SMOC2: variants seen among roughly 807,000 people sequenced by gnomAD.
SMOC2 encodes SPARC related modular calcium binding 2.
Under a neutral mutation model 61.4 loss-of-function variants are expected in SMOC2, and 39 were observed. The observed-to-expected ratio is 0.64, with a 90% confidence interval of 0.49 to 0.83. SMOC2 has a LOEUF of 0.83. Among genes scored for constraint, SMOC2 ranks in the 40% least tolerant of loss-of-function variants. The probability of loss-of-function intolerance (pLI) is 0.00; values close to 1 mark genes in which losing one functional copy is unlikely to be tolerated. For synonymous variants in SMOC2, 247 were observed against 239.9 expected (o/e 1.03, Z -0.27); for missense variants, 556 against 592.9 (o/e 0.94, Z 0.65).
At chr6:168,522,859 T>G (rs1783361289) in intron 2 of SMOC2, among the ~76,000 whole-genome samples, 1 of 151,996 alleles carries the variant, frequency 6.6e-6, no homozygotes, top group South Asian at 2.1e-4. Context: ...AATAGGCAAA[T>G]TTGTAGAGAC....
At position 168,454,121 on chromosome 6, in the gene SMOC2, C is replaced by T. The variant is rs9456115; in HGVS notation, c.84+12667C>T. ...CTTTATTCATCTCTCTGTCTCTGTT[C>T]TCCCAGGCTCCACCCAGTCCATGAT... On this transcript the variant is annotated intron_variant, in intron 1 of 12. Transcript: ENST00000356284. 4.1e-3 allele frequency among the ~76,000 whole-genome samples: 628 copies of T among 152,174 alleles called. 7 individuals are homozygous for T. The highest frequency in any genetic ancestry group is 0.014 in the African/African-American group (589 of 41,524).
chr6:168,663,833 A>T (rs1787584034), intron 11 of SMOC2, among the ~76,000 whole-genome samples: 1 of 152,236 alleles, frequency 6.6e-6, no homozygotes, highest in South Asian at 2.1e-4. Flanking sequence ...ATTATATTAA[A>T]ATATTACACG....
intron 2 of SMOC2, among the ~76,000 whole-genome samples, chr6:168,518,118 C>T (rs1401806977): frequency 6.6e-6 from 1 of 152,256 alleles, no homozygotes; most frequent in African/African-American, 2.4e-5. Context: ...ATTCCACAGC[C>T]TCGCCTTGGA....
chr6:168,529,681 T>A (rs2115079334), intron 4 of SMOC2, among the ~76,000 whole-genome samples: 1 of 152,284 alleles, frequency 6.6e-6, no homozygotes, highest in African/African-American at 2.4e-5. Context: ...AAGGGAGAAT[T>A]ATGGAGGCGA....
At chr6:168,459,824 G>T (rs1399928221) in intron 1 of SMOC2, among the ~76,000 whole-genome samples, 3 of 149,994 alleles carry the variant, frequency 2.0e-5, no homozygotes, top group African/African-American at 4.9e-5. Context: ...TGAGCCCTGG[G>T]GTGGGTGAGC....
chr6:168,519,503 A>G (rs970597937), intron 2 of SMOC2, among the ~76,000 whole-genome samples: 1 of 152,118 alleles, frequency 6.6e-6, no homozygotes, highest in East Asian at 1.9e-4. Flanking sequence ...GCCCTTCCTC[A>G]CAGGCTGGGG....
Position 168,653,001 on chromosome 6 carries a change from A to G in SMOC2, c.1058A>G (p.His353Arg), listed in dbSNP as rs777787288. 3.7e-6 allele frequency: 6 copies of G among 1,614,046 alleles called. No homozygotes were observed. The highest frequency in any genetic ancestry group is 5.1e-6 in the Non-Finnish European group (6 of 1,179,990). The part of the protein sequence containing the change: ...PSHTLEERVV[H>R]WYFKLLDKNS... ...CATACCCTAGAGGAGCGGGTGGTGCACTGGTACTTCAAACTACTGGATAAA... is the reference window on the plus strand; with the variant it reads ...CATACCCTAGAGGAGCGGGTGGTGCGCTGGTACTTCAAACTACTGGATAAA... Residue 353 changes from histidine to arginine, a missense_variant, in exon 11 of 13, where the codon CAC (histidine) becomes CGC (arginine). By Grantham distance (29) the His-to-Arg change is conservative (BLOSUM62 0). Coordinates refer to ENST00000356284, the MANE Select transcript of SMOC2 (RefSeq NM_001166412.2).
chr6:168,556,223 C>T (rs1583105885), intron 7 of SMOC2, among the ~76,000 whole-genome samples: 1 of 152,196 alleles, frequency 6.6e-6, no homozygotes, highest in African/African-American at 2.4e-5. Flanking sequence ...TGGCCTCTCC[C>T]GGCTGGGGTG....
chr6:168,521,284 G>A (rs1186198433), intron 2 of SMOC2, among the ~76,000 whole-genome samples: 1 of 152,144 alleles, frequency 6.6e-6, no homozygotes, highest in Non-Finnish European at 1.5e-5. Context: ...GAGTAGCTGG[G>A]ATTACAGGTG....
In SMOC2 at chr6:168,486,648, G is replaced by A. The variant is rs142264853; in HGVS notation, c.85-23267G>A. ...CACTGGCTGTGAGCGCATCCAAACC[G>A]ACTGCGATTCACCAATGGATCAGTA... On this transcript the variant is annotated intron_variant, in intron 1 of 12. Coordinates refer to ENST00000356284, the MANE Select transcript of SMOC2 (RefSeq NM_001166412.2). Among the ~76,000 whole-genome samples, 560 of 151,510 alleles carry A rather than the reference G, an allele frequency of 3.7e-3. 2 individuals carry two copies. The highest frequency in any genetic ancestry group is 0.013 in the African/African-American group (533 of 41,308).
At chr6:168,606,890 G>C (rs941131879) in intron 8 of SMOC2, among the ~76,000 whole-genome samples, 1 of 152,160 alleles carries the variant, frequency 6.6e-6, no homozygotes, top group African/African-American at 2.4e-5. Context: ...CAGGGCCTGA[G>C]GAGGCCGCCA....
intron 2 of SMOC2, among the ~76,000 whole-genome samples, chr6:168,516,441 A>G (rs1022567195): frequency 7.2e-5 from 11 of 151,952 alleles, no homozygotes; most frequent in African/African-American, 2.4e-4. Context: ...GGAAACAGAT[A>G]TTGGACAAAA....
intron 7 of SMOC2, among the ~76,000 whole-genome samples, chr6:168,557,465 C>T (rs542970215): frequency 4.5e-4 from 69 of 152,288 alleles, no homozygotes; most frequent in African/African-American, 1.6e-3. Context: ...AGCTTTTCAA[C>T]CTAAGTACAG....
chr6:168,521,511 A>T (rs1217801157), intron 2 of SMOC2, among the ~76,000 whole-genome samples: 1 of 152,118 alleles, frequency 6.6e-6, no homozygotes, highest in Non-Finnish European at 1.5e-5. Flanking sequence ...TTTGTTTTGT[A>T]ACTGAGAGAG....
chr6:168,556,125 C>T (rs1562345201), intron 7 of SMOC2, among the ~76,000 whole-genome samples: 1 of 152,116 alleles, frequency 6.6e-6, no homozygotes, highest in Non-Finnish European at 1.5e-5. Flanking sequence ...CCTCCCCGCA[C>T]GGGGAAGCTG....
chr6:168,587,489 C>G (rs571255500), intron 7 of SMOC2, among the ~76,000 whole-genome samples: 1 of 152,188 alleles, frequency 6.6e-6, no homozygotes, highest in Non-Finnish European at 1.5e-5. Flanking sequence ...TCCAGAAAGG[C>G]GGGACAACTT....
At chr6:168,595,852 T>C (rs1785316829) in intron 7 of SMOC2, among the ~76,000 whole-genome samples, 1 of 152,248 alleles carries the variant, frequency 6.6e-6, no homozygotes, top group African/African-American at 2.4e-5. Context: ...CATAAAATCC[T>C]CAAGAGAGAC....
intron 1 of SMOC2, among the ~76,000 whole-genome samples, chr6:168,454,353 A>G (rs1393771386): frequency 6.6e-6 from 1 of 150,962 alleles, no homozygotes; most frequent in African/African-American, 2.4e-5. Context: ...CCGAAATCTA[A>G]CTGGGCTTTT....
intron 9 of SMOC2, among the ~76,000 whole-genome samples, chr6:168,628,368 T>C (rs555865025): frequency 6.6e-6 from 1 of 152,018 alleles, no homozygotes; most frequent in East Asian, 1.9e-4. Context: ...CCTGAAAAAA[T>C]ATAAGTAAAC....
Sources: allele counts gnomAD v4.1 joint callset (sites outside exome capture counted in the v4.1 genomes callset), GRCh38; gene constraint gnomAD v4.1.1; transcripts MANE v1.5; gene names NCBI Gene and HGNC (gene_info 2026-07-23, HGNC 2026-07-21).